Variants in CEP83 observed in about 807,000 individuals in gnomAD.
CEP83 encodes centrosomal protein 83, also known as centrosomal protein of 83 kDa.
Under a neutral mutation model 101.9 loss-of-function variants are expected in CEP83, and 70 were observed. The ratio of observed to expected loss-of-function variants is 0.69; its 90% confidence interval spans 0.57 to 0.84. The LOEUF is 0.84. CEP83 is among the 40% of genes least tolerant of loss of function. The pLI is 0.00. For missense variants in CEP83, 715 were observed against 787.2 expected (o/e 0.91, Z 1.10); for synonymous variants, 264 against 267.9 (o/e 0.99, Z 0.14).
intron 2 of CEP83, among the ~76,000 whole-genome samples, chr12:94,416,571 CACA>C (rs1555256414): frequency 9.0e-6 from 1 of 110,796 alleles, no homozygotes; most frequent in African/African-American, 3.1e-5. Context: ...CACACACACA[CACA>C]AAAAAAAAAA....
chr12:94,387,084 T>A (rs2062192871), intron 6 of CEP83, among the ~76,000 whole-genome samples: 1 of 152,216 alleles, frequency 6.6e-6, no homozygotes, highest in Non-Finnish European at 1.5e-5. Flanking sequence ...GGATCTCTAC[T>A]TTTAACCACA....
intron 11 of CEP83, among the ~76,000 whole-genome samples, chr12:94,363,519 G>A (rs1021735283): frequency 6.6e-6 from 1 of 152,100 alleles, no homozygotes; most frequent in African/African-American, 2.4e-5. Flanking sequence ...AACCAAGGTC[G>A]TAAGGAGATG....
chr12:94,279,401 G>C, the CEP83 span: 1 of 1,384,904 alleles, frequency 7.2e-7, no homozygotes, highest in Non-Finnish European at 1.0e-6. Flanking sequence ...GCTAAGGTTT[G>C]TGTCTTTTAT....
intron 2 of CEP83, among the ~76,000 whole-genome samples, chr12:94,421,889 A>C (rs922351700): frequency 6.6e-6 from 1 of 152,264 alleles, no homozygotes; most frequent in Non-Finnish European, 1.5e-5. Flanking sequence ...AATTGAGAAT[A>C]AATAGTAGCC....
chr12:94,295,084 A>G, the CEP83 span, among the ~76,000 whole-genome samples: 1 of 152,234 alleles, frequency 6.6e-6, no homozygotes, highest in Non-Finnish European at 1.5e-5. Flanking sequence ...GCCCTGGGGC[A>G]GGAAATTCCT....
the CEP83 span, among the ~76,000 whole-genome samples, chr12:94,269,373 G>GT: frequency 6.6e-6 from 1 of 152,180 alleles, no homozygotes; most frequent in Non-Finnish European, 1.5e-5. Flanking sequence ...TTTATTGAAG[G>GT]TTTATGCCAG....
intron 6 of CEP83, among the ~76,000 whole-genome samples, chr12:94,389,617 G>T (rs540618988): frequency 1.3e-5 from 2 of 152,300 alleles, no homozygotes; most frequent in Non-Finnish European, 2.9e-5. Flanking sequence ...CACTGGGACT[G>T]GTGGACAGTG....
At position 94,308,888 on chromosome 12, in the gene CEP83, TAGAG is replaced by T. The variant is rs764151465; in HGVS notation, c.2027_2030del (p.Ser676TyrfsTer6). On this transcript the variant is annotated frameshift_variant, in exon 17 of 17. Transcript: ENST00000397809. LOFTEE classifies it high-confidence loss of function. ...CCAGTTCTTCTAGTCTTTTGCGAAG[TAGAG>T]AGAGTTCCCTTTGATGTTGTTCCTC... 6 of 1,612,034 alleles carry T rather than the reference TAGAG, an allele frequency of 3.7e-6. No homozygotes were observed. The highest frequency in any genetic ancestry group is 2.2e-5 in the South Asian group (2 of 91,026).
At chr12:94,305,365 C>T (rs942167908), downstream of CEP83, 25 of 781,888 alleles carry the variant, frequency 3.2e-5, no homozygotes, top group East Asian at 2.1e-4. Flanking sequence ...TACTCTGTGT[C>T]GTTAATTTGT....
chr12:94,401,957 G>A (rs2063283777), intron 5 of CEP83, among the ~76,000 whole-genome samples: 1 of 152,080 alleles, frequency 6.6e-6, no homozygotes, highest in Non-Finnish European at 1.5e-5. Context: ...CGCATCACTA[G>A]ACTACAGCTC....
downstream of CEP83, chr12:94,303,737 T>TC (rs749779524): frequency 1.5e-6 from 2 of 1,348,442 alleles, no homozygotes; most frequent in Admixed American, 6.0e-5. Context: ...GGTTGCTTTT[T>TC]TTTTTTTTTT....
At chr12:94,274,155 T>TAAAAAAAAAA in the CEP83 span, among the ~76,000 whole-genome samples, 14 of 45,368 alleles carry the variant, frequency 3.1e-4, 2 homozygotes, top group African/African-American at 1.4e-3. Flanking sequence ...ACCCTGTCTC[T>TAAAAAAAAAA]AAAAAAAAAA....
chr12:94,424,840 G>A, intron 2 of CEP83: 3 of 1,598,710 alleles, frequency 1.9e-6, no homozygotes, highest in Non-Finnish European at 2.6e-6. Flanking sequence ...TTCCACTACT[G>A]CTGTTAGGTG....
intron 1 of CEP83, among the ~76,000 whole-genome samples, chr12:94,447,449 G>C (rs2066895158): frequency 6.6e-6 from 1 of 152,142 alleles, no homozygotes. Context: ...TGGCTGCAGT[G>C]AGCCAAGATC....
intron 11 of CEP83, among the ~76,000 whole-genome samples, chr12:94,336,411 T>G (rs1034012440): frequency 8.5e-5 from 13 of 152,338 alleles, no homozygotes; most frequent in Admixed American, 8.5e-4. Flanking sequence ...TATAATTCAC[T>G]TGGCACCTAT....
At chr12:94,371,815 T>C (rs1216710616) in intron 8 of CEP83, among the ~76,000 whole-genome samples, 1 of 152,160 alleles carries the variant, frequency 6.6e-6, no homozygotes, top group Non-Finnish European at 1.5e-5. Flanking sequence ...TTTCAAGGAA[T>C]AGTTTCATGC....
the CEP83 span, among the ~76,000 whole-genome samples, chr12:94,298,296 T>TA: frequency 6.6e-6 from 1 of 152,182 alleles, no homozygotes; most frequent in Non-Finnish European, 1.5e-5. Flanking sequence ...ACATAACTAA[T>TA]AAAAGCCAAA....
At chr12:94,306,022 C>CT (rs1968966729), downstream of CEP83, 1 of 152,032 alleles carries the variant, frequency 6.6e-6, no homozygotes, top group African/African-American at 2.4e-5. Flanking sequence ...ATGTATGTTC[C>CT]TTTTCTTCAT....
At chr12:94,283,259 G>A in the CEP83 span, among the ~76,000 whole-genome samples, 4 of 152,150 alleles carry the variant, frequency 2.6e-5, no homozygotes, top group Non-Finnish European at 4.4e-5. Context: ...ACTGAACTGA[G>A]AGCTAAACAA....
Sources: allele counts gnomAD v4.1 joint callset (sites outside exome capture counted in the v4.1 genomes callset), GRCh38; gene constraint gnomAD v4.1.1; transcripts MANE v1.5; gene names NCBI Gene and HGNC (gene_info 2026-07-23, HGNC 2026-07-21).